NXPE4: variants seen among roughly 807,000 people sequenced by gnomAD.
NXPE4 encodes NXPE family member 4.
A neutral mutation model predicts 33.3 loss-of-function variants in NXPE4; 42 were observed. The ratio of observed to expected loss-of-function variants is 1.26; its 90% CI spans 0.98 to 1.63. The LOEUF (loss-of-function observed/expected upper bound fraction) is 1.63. Among genes scored for constraint, NXPE4 ranks in the 40% most tolerant of loss-of-function variants. The pLI is 0.00. For synonymous variants in NXPE4, 253 were observed against 234.9 expected (o/e 1.08, Z -0.71); for missense variants, 709 against 647.6 (o/e 1.09, Z -1.03).
At chr11:114,629,028 C>G in the NXPE4 span, among the ~76,000 whole-genome samples, 1 of 152,000 alleles carries the variant, frequency 6.6e-6, no homozygotes, top group East Asian at 1.9e-4. Context: ...TGGCAATAAT[C>G]AATAGCTTAC....
the NXPE4 span, among the ~76,000 whole-genome samples, chr11:114,617,551 G>A: frequency 6.6e-6 from 1 of 152,066 alleles, no homozygotes; most frequent in Non-Finnish European, 1.5e-5. Flanking sequence ...CTGTTACCCA[G>A]TGGAAAATAA....
chr11:114,676,179 G>A, the NXPE4 span, among the ~76,000 whole-genome samples: 1 of 151,840 alleles, frequency 6.6e-6, no homozygotes, highest in Non-Finnish European at 1.5e-5. Context: ...AAATCTCTTT[G>A]ATATTGGTAT....
the NXPE4 span, among the ~76,000 whole-genome samples, chr11:114,639,485 C>A: frequency 3.3e-5 from 5 of 151,530 alleles, no homozygotes; most frequent in Non-Finnish European, 7.4e-5. Flanking sequence ...TGTCCTGTGC[C>A]CACTGTCTGG....
At chr11:114,644,914 A>T in the NXPE4 span, among the ~76,000 whole-genome samples, 6 of 152,146 alleles carry the variant, frequency 3.9e-5, no homozygotes, top group Admixed American at 3.9e-4. Flanking sequence ...CGCAGAACTC[A>T]ATCTATTAAT....
chr11:114,578,408 C>A (rs748435974), intron 5 of NXPE4, among the ~76,000 whole-genome samples: 1 of 152,006 alleles, frequency 6.6e-6, no homozygotes, highest in Non-Finnish European at 1.5e-5. Context: ...TTTATATGAC[C>A]CAAGAGAATC....
At chr11:114,648,204 G>C in the NXPE4 span, among the ~76,000 whole-genome samples, 1 of 152,034 alleles carries the variant, frequency 6.6e-6, no homozygotes, top group Non-Finnish European at 1.5e-5. Context: ...GATTCAGGGA[G>C]GGGCCCCGAG....
intron 3 of NXPE4, 94 bp downstream of exon 3, chr11:114,582,194 A>G: frequency 7.2e-7 from 1 of 1,385,394 alleles, no homozygotes; most frequent in South Asian, 1.5e-5. Flanking sequence ...AAAGACACCC[A>G]AAATTAATAC....
chr11:114,650,074 GA>G, the NXPE4 span, among the ~76,000 whole-genome samples: 16 of 151,668 alleles, frequency 1.1e-4, no homozygotes, highest in Non-Finnish European at 1.5e-4. Context: ...CTAACAATGA[GA>G]AAAAAAATCC....
rs1454971395 is a variant in NXPE4 at position 114,580,310 on chromosome 11, G to T, written c.921C>A (p.Cys307Ter). 1.2e-6 allele frequency: 2 copies of T among 1,613,950 alleles called. No individual in the cohort carries two copies. Among genetic ancestry groups the T allele is most frequent in the Admixed American group, 1.7e-5 (1 of 60,014 alleles). The change falls in exon 5 of 6, where the codon TGC (cysteine) becomes TGA (stop). Residue 307 changes from cysteine (C) to a stop codon, truncating the protein, a stop_gained. Coordinates refer to ENST00000375478, the MANE Select transcript of NXPE4 (RefSeq NM_001077639.2). LOFTEE classifies it high-confidence loss of function. ...NKETVAMKEK[C>*]KFGMTSTIPS... ...GGATTGTGGATGTCATTCCAAACTT[G>T]CATTTCTCTTTCATTGCAACTGTTT...
rs1235663382 is a variant in NXPE4 at position 114,581,723 on chromosome 11, A to C, written c.892+2T>G. 1.2e-6 allele frequency: 2 copies of C among 1,608,994 alleles called. No individual in the cohort carries two copies. The highest frequency in any genetic ancestry group is 2.7e-5 in the African/African-American group (2 of 74,778). ...CCACCCACCAAACACAGGAGTACTT[A>C]CTGTTGCATTTGGAGACACTAATTG... On this transcript the variant is annotated splice_donor_variant, in intron 4 of 5. Transcript: ENST00000375478. LOFTEE classifies it high-confidence loss of function.
At chr11:114,659,146 G>A in the NXPE4 span, among the ~76,000 whole-genome samples, 1 of 152,186 alleles carries the variant, frequency 6.6e-6, no homozygotes, top group African/African-American at 2.4e-5. Flanking sequence ...GAGAAGATGT[G>A]TACCCATTTC....
chr11:114,614,030 G>T, the NXPE4 span, among the ~76,000 whole-genome samples: 3 of 151,910 alleles, frequency 2.0e-5, no homozygotes, highest in Non-Finnish European at 2.9e-5. Context: ...TGTCTCGTGG[G>T]TAACCACTGT....
Position 114,570,999 on chromosome 11 carries a change from AC to A in NXPE4, c.1573del (p.Val525TyrfsTer7). The A allele has an allele frequency of 6.2e-7, 1 of 1,613,042 alleles. No individual in the cohort carries two copies. Among genetic ancestry groups the A allele is most frequent in the African/African-American group, 1.3e-5 (1 of 75,032 alleles). The stretch of plus-strand genomic sequence containing the variant: ...TCCGACTACATGTTGAGGTGGGTGT[AC>A]ATTATTTGTGCCATATGCAATTGTT... ...DITIAYGTNN[V>X]HPPQHVVGNQ... On this transcript the variant is annotated frameshift_variant, in exon 6 of 6. Transcript: ENST00000375478. LOFTEE classifies it high-confidence loss of function.
At chr11:114,620,707 T>C in the NXPE4 span, among the ~76,000 whole-genome samples, 26,816 of 152,048 alleles carry the variant, frequency 0.18, 2,580 homozygotes, top group African/African-American at 0.24. Context: ...TGGTGGATAA[T>C]AAGTACTGCC....
At chr11:114,644,381 G>A in the NXPE4 span, among the ~76,000 whole-genome samples, 1 of 152,132 alleles carries the variant, frequency 6.6e-6, no homozygotes, top group African/African-American at 2.4e-5. Flanking sequence ...GTATGATATT[G>A]GCTGTGGGTT....
the NXPE4 span, among the ~76,000 whole-genome samples, chr11:114,653,619 C>G: frequency 6.9e-6 from 1 of 144,594 alleles, no homozygotes; most frequent in South Asian, 2.2e-4. Context: ...GCTTCAACTT[C>G]TGGGTTCATG....
At chr11:114,652,086 T>C in the NXPE4 span, among the ~76,000 whole-genome samples, 1 of 152,190 alleles carries the variant, frequency 6.6e-6, no homozygotes, top group Non-Finnish European at 1.5e-5. Flanking sequence ...ACACCAATAC[T>C]TAAATTTTTT....
chr11:114,574,593 A>G (rs942675593), intron 5 of NXPE4, among the ~76,000 whole-genome samples: 2 of 152,086 alleles, frequency 1.3e-5, no homozygotes, highest in Admixed American at 6.6e-5. Context: ...TAAACTAGAA[A>G]ACCTAGAGGG....
intron 5 of NXPE4, among the ~76,000 whole-genome samples, chr11:114,578,926 C>T (rs1370429766): frequency 6.6e-6 from 1 of 152,172 alleles, no homozygotes; most frequent in African/African-American, 2.4e-5. Context: ...CTATGCCTTG[C>T]AATGTGTTAA....
Sources: allele counts gnomAD v4.1 joint callset (sites outside exome capture counted in the v4.1 genomes callset), GRCh38; gene constraint gnomAD v4.1.1; transcripts MANE v1.5; gene names NCBI Gene and HGNC (gene_info 2026-07-23, HGNC 2026-07-21).